XNDC1N: variants seen among roughly 807,000 people sequenced by gnomAD.
The protein encoded by XNDC1N is XRCC1 N-terminal domain containing 1, N-terminal like, also known as protein XNDC1N.
the XNDC1N span, among the ~76,000 whole-genome samples, chr11:71,880,465 C>G: frequency 6.6e-6 from 1 of 152,142 alleles, no homozygotes; most frequent in East Asian, 1.9e-4. Flanking sequence ...TTCCAAAAGT[C>G]AACTTTTTGT....
At chr11:71,880,442 G>A in the XNDC1N span, among the ~76,000 whole-genome samples, 1 of 152,038 alleles carries the variant, frequency 6.6e-6, no homozygotes, top group Non-Finnish European at 1.5e-5. Context: ...AGTTTATAAA[G>A]TCTGTTTATC....
At chr11:71,909,913 C>G in the XNDC1N span, among the ~76,000 whole-genome samples, 5 of 152,244 alleles carry the variant, frequency 3.3e-5, no homozygotes, top group South Asian at 1.0e-3. Context: ...CCTTATGGTT[C>G]TCCGAGAGGA....
At chr11:71,888,037 C>G in the XNDC1N span, among the ~76,000 whole-genome samples, 4,194 of 152,208 alleles carry the variant, frequency 0.028, 1 homozygote, top group East Asian at 0.078. Context: ...CTCGAGACCT[C>G]CAGAAGTTTC....
At chr11:71,874,703 T>C in the XNDC1N span, among the ~76,000 whole-genome samples, 2 of 152,160 alleles carry the variant, frequency 1.3e-5, no homozygotes, top group African/African-American at 4.8e-5. Context: ...TTCTCATAGC[T>C]ATGAAGAGAA....
the XNDC1N span, among the ~76,000 whole-genome samples, chr11:71,895,237 C>T: frequency 6.6e-6 from 1 of 151,976 alleles, no homozygotes; most frequent in African/African-American, 2.4e-5. Context: ...ATATTATCTT[C>T]AAATGCATTG....
chr11:71,870,245 G>A, the XNDC1N span, among the ~76,000 whole-genome samples: 10,907 of 152,114 alleles, frequency 0.072, 649 homozygotes, highest in East Asian at 0.15. Flanking sequence ...CTTTGGATGG[G>A]GTTTTTGCTC....
chr11:71,927,094 A>T, the XNDC1N span, among the ~76,000 whole-genome samples: 1 of 147,624 alleles, frequency 6.8e-6, no homozygotes, highest in African/African-American at 2.7e-5. Flanking sequence ...AAATATTTTT[A>T]AAAATTAGCC....
chr11:71,870,989 A>T, the XNDC1N span, among the ~76,000 whole-genome samples: 2 of 152,200 alleles, frequency 1.3e-5, no homozygotes, highest in African/African-American at 4.8e-5. Flanking sequence ...AACAAAAATA[A>T]AAATAAAATT....
the XNDC1N span, among the ~76,000 whole-genome samples, chr11:71,870,224 A>G: frequency 8.5e-5 from 13 of 152,270 alleles, no homozygotes; most frequent in East Asian, 2.5e-3. Flanking sequence ...GAGCCAAACC[A>G]TATCACTGTC....
At chr11:71,921,602 G>A in the XNDC1N span, among the ~76,000 whole-genome samples, 10 of 152,172 alleles carry the variant, frequency 6.6e-5, no homozygotes, top group Non-Finnish European at 1.3e-4. Context: ...GTAAAAGAGA[G>A]AGACCAGACT....
the XNDC1N span, among the ~76,000 whole-genome samples, chr11:71,870,367 G>C: frequency 6.6e-6 from 1 of 152,162 alleles, no homozygotes; most frequent in East Asian, 1.9e-4. Context: ...TTACTCCGGG[G>C]CTGTGTGCCC....
At chr11:71,885,970 A>G in the XNDC1N span, among the ~76,000 whole-genome samples, 1 of 151,878 alleles carries the variant, frequency 6.6e-6, no homozygotes, top group Admixed American at 6.6e-5. Flanking sequence ...ATTAATATTG[A>G]TAATTATTAG....
the XNDC1N span, among the ~76,000 whole-genome samples, chr11:71,902,450 CAA>C: frequency 6.6e-6 from 1 of 152,232 alleles, no homozygotes; most frequent in African/African-American, 2.4e-5. Context: ...CTCGGCCTCC[CAA>C]AGTGTTGGGA....
the XNDC1N span, among the ~76,000 whole-genome samples, chr11:71,897,466 G>A: frequency 3.2e-4 from 48 of 152,284 alleles, no homozygotes; most frequent in African/African-American, 1.0e-3. Flanking sequence ...TGGCCAATAA[G>A]CATCTAAGGT....
the XNDC1N span, among the ~76,000 whole-genome samples, chr11:71,870,018 G>A: frequency 6.6e-6 from 1 of 152,156 alleles, no homozygotes; most frequent in African/African-American, 2.4e-5. Context: ...TAACAATCAT[G>A]GCAAATGAGG....
chr11:71,878,406 T>C, the XNDC1N span: 1 of 1,604,912 alleles, frequency 6.2e-7, no homozygotes, highest in Non-Finnish European at 8.5e-7. Flanking sequence ...AGAAGTCCTC[T>C]TCATCTCAAC....
At chr11:71,899,033 C>T in the XNDC1N span, among the ~76,000 whole-genome samples, 2 of 152,174 alleles carry the variant, frequency 1.3e-5, no homozygotes, top group Middle Eastern at 3.4e-3. Context: ...AGAGGAAGAG[C>T]CCCAAATCTT....
chr11:71,913,179 C>T, the XNDC1N span, among the ~76,000 whole-genome samples: 1 of 151,918 alleles, frequency 6.6e-6, no homozygotes. Context: ...GTTTTGTACC[C>T]CACCTGCGAT....
chr11:71,894,893 G>A, the XNDC1N span, among the ~76,000 whole-genome samples: 1 of 152,208 alleles, frequency 6.6e-6, no homozygotes, highest in Admixed American at 6.5e-5. Flanking sequence ...TGTTAAGTGA[G>A]GACATACTGT....
Sources: gnomAD v4.1 joint callset for allele counts (sites outside exome capture counted in the v4.1 genomes callset) on GRCh38, gnomAD v4.1.1 for gene constraint, MANE v1.5 for transcripts, NCBI Gene and HGNC (gene_info 2026-07-23, HGNC 2026-07-21) for gene names.